EPB41L1: variants seen among roughly 807,000 people sequenced by gnomAD.
The protein encoded by EPB41L1 is erythrocyte membrane protein band 4.1 like 1.
Under a neutral mutation model 97.8 loss-of-function variants are expected in EPB41L1, and 29 were observed. That is an observed-to-expected ratio of 0.30 (90% CI 0.22 to 0.40). The LOEUF is 0.40. Among genes scored for constraint, EPB41L1 ranks in the 10% least tolerant of loss-of-function variants. The pLI is 1.00. For missense variants in EPB41L1, 812 were observed against 1,162.3 expected (o/e 0.70, Z 4.38); for synonymous variants, 383 against 459.2 (o/e 0.83, Z 2.12).
chr20:36,174,022 T>C (rs1311208837), intron 2 of EPB41L1, 68 bp downstream of exon 2: 5 of 1,521,258 alleles, frequency 3.3e-6, no homozygotes, highest in Non-Finnish European at 4.5e-6. Context: ...TTCTTAGGGC[T>C]CCAGTATTTT....
Position 36,209,391 on chromosome 20 carries a change from A to T in EPB41L1, c.1669-97A>T. 7.2e-7 allele frequency: 1 copy of T among 1,397,220 alleles called. No individual in the cohort carries two copies. Among genetic ancestry groups the T allele is most frequent in the Admixed American group, 2.2e-5 (1 of 46,340 alleles). 86.6% of individuals were successfully genotyped at this position (1,397,220 alleles called of 1,614,324 possible). ...GCTCTTCCATTCAGGATGTCGACAC[A>T]GCCCCGAGATTTCTCCTGACATTCA... is the stretch of plus-strand genomic sequence containing the variant. On this transcript the variant is annotated intron_variant, in intron 14 of 21. Coordinates refer to ENST00000338074, the MANE Select transcript of EPB41L1 (RefSeq NM_012156.2). The surrounding 1 kb of genome is among the most constrained non-coding windows in gnomAD (Gnocchi z 4.2).
intron 14 of EPB41L1, among the ~76,000 whole-genome samples, chr20:36,205,646 C>A (rs964270902): frequency 1.3e-5 from 2 of 152,138 alleles, no homozygotes; most frequent in Non-Finnish European, 2.9e-5. Context: ...AATAATTTAT[C>A]AAGTGCCTGA....
At chr20:36,164,938 A>C (rs1479412415) in intron 1 of EPB41L1, among the ~76,000 whole-genome samples, 1 of 151,600 alleles carries the variant, frequency 6.6e-6, no homozygotes, top group African/African-American at 2.4e-5. Context: ...CACCCGCCTC[A>C]CCCTCCCAAA....
At chr20:36,123,898 T>C (rs2058852979) in intron 2 of EPB41L1, among the ~76,000 whole-genome samples, 1 of 152,200 alleles carries the variant, frequency 6.6e-6, no homozygotes, top group African/African-American at 2.4e-5. Flanking sequence ...ATACAATACA[T>C]ACACCATCTA....
intron 1 of EPB41L1, among the ~76,000 whole-genome samples, chr20:36,168,578 T>A (rs989885208): frequency 6.6e-6 from 1 of 151,684 alleles, no homozygotes; most frequent in Non-Finnish European, 1.5e-5. Context: ...GTTGACAGGC[T>A]GGGGTGCAGT....
chr20:36,189,896 GA>G (rs1488290655), intron 9 of EPB41L1, among the ~76,000 whole-genome samples: 1 of 152,176 alleles, frequency 6.6e-6, no homozygotes, highest in Non-Finnish European at 1.5e-5. Flanking sequence ...GCAGATGCCT[GA>G]GAAGAGTTCA....
rs1601090396 is a variant in EPB41L1, at chr20:36,222,059, T to A, written c.2520+115T>A. On this transcript the variant is annotated intron_variant, in intron 20 of 21. Coordinates refer to ENST00000338074, the MANE Select transcript of EPB41L1 (RefSeq NM_012156.2). ...GGCAGAGAAGGTGTCCACTTCTTGC[T>A]GACCCTGTTCAGATAAGAAACCCCC... 6 of 1,208,846 alleles carry A rather than the reference T, an allele frequency of 5.0e-6. No individual in the cohort carries two copies. The African/African-American group carries it at 7.4e-5, about 15-fold the overall frequency. The allele number at this position is 1,208,846 out of a possible 1,614,324, so 74.9% of individuals were successfully genotyped here.
At chr20:36,147,575 A>C (rs1283992377) in intron 2 of EPB41L1, among the ~76,000 whole-genome samples, 4 of 152,220 alleles carry the variant, frequency 2.6e-5, no homozygotes, top group Non-Finnish European at 5.9e-5. Flanking sequence ...TGGATCTATA[A>C]TGTCTGCCTT....
At chr20:36,120,546 T>A (rs1442676880) in intron 2 of EPB41L1, among the ~76,000 whole-genome samples, 1 of 152,190 alleles carries the variant, frequency 6.6e-6, no homozygotes, top group Non-Finnish European at 1.5e-5. Context: ...CGTGTCCCTG[T>A]CTGTTTGATG....
chr20:36,161,802 C>G (rs1407212348), intron 1 of EPB41L1, among the ~76,000 whole-genome samples: 2 of 152,090 alleles, frequency 1.3e-5, no homozygotes, highest in African/African-American at 4.8e-5. Flanking sequence ...ACTCTGTCAC[C>G]CAGGCTGGAG....
upstream of EPB41L1, chr20:36,152,561 T>A (rs934818494): frequency 2.2e-5 from 4 of 178,324 alleles, no homozygotes; most frequent in East Asian, 4.9e-4. Flanking sequence ...AGCCCACGAT[T>A]GGGAAGGCTC....
At chr20:36,187,560 A>G in intron 7 of EPB41L1, 116 bp from the exon 8 acceptor site, 1 of 829,366 alleles carries the variant, frequency 1.2e-6, no homozygotes, top group Non-Finnish European at 2.0e-6. Context: ...GATTAGGGTG[A>G]GGCTCAGCAT....
chr20:36,173,711 G>T, intron 1 of EPB41L1, 53 bp from the exon 2 acceptor site: 1 of 1,551,460 alleles, frequency 6.4e-7, no homozygotes, highest in Non-Finnish European at 8.9e-7. Flanking sequence ...CCCTCTCGCT[G>T]TCATACCATT....
chr20:36,156,121 C>T lies in EPB41L1; in HGVS notation c.-15+1225C>T, dbSNP rs903828659. Among the ~76,000 whole-genome samples, 15 of 152,374 alleles carry T rather than the reference C, an allele frequency of 9.8e-5. 1 individual carries two copies. Among genetic ancestry groups the T allele is most frequent in the Admixed American group, 9.1e-4 (14 of 15,310 alleles). On this transcript the variant is annotated intron_variant, in intron 1 of 21. Transcript: ENST00000338074. ...CAGAGGCAGCCTGTGCCAGCCTCCC[C>T]TATGAGCCACCGTGGCCCAGGAAGG...
intron 7 of EPB41L1, among the ~76,000 whole-genome samples, chr20:36,186,740 GATCA>G (rs2061698125): frequency 6.6e-6 from 1 of 152,182 alleles, no homozygotes; most frequent in Non-Finnish European, 1.5e-5. Flanking sequence ...AAGATGTTCA[GATCA>G]ATATGGGCTG....
intron 4 of EPB41L1, 55 bp from the exon 5 acceptor site, chr20:36,178,575 C>A: frequency 6.4e-7 from 1 of 1,554,778 alleles, no homozygotes; most frequent in South Asian, 1.1e-5. Context: ...CTCTCTCAGC[C>A]CAGTCAGGTC....
intron 13 of EPB41L1, among the ~76,000 whole-genome samples, chr20:36,196,832 C>T (rs1164608858): frequency 6.6e-6 from 1 of 152,228 alleles, no homozygotes; most frequent in Non-Finnish European, 1.5e-5. Flanking sequence ...CCAGAAGTAG[C>T]CAGATAAACA....
At position 36,232,607 on chromosome 20, in the gene EPB41L1, C is replaced by T. The variant is rs546629054; in HGVS notation, c.*3267C>T. On this transcript the variant is annotated 3_prime_UTR_variant, in exon 22 of 22. Coordinates refer to ENST00000338074, the MANE Select transcript of EPB41L1 (RefSeq NM_012156.2). Reference sequence around the variant, plus strand: ...GCCTGAAACTGCATGAGCAACATCACTCGAAATAATTTTTTTTTTCAAAAG... The same window carrying T: ...GCCTGAAACTGCATGAGCAACATCATTCGAAATAATTTTTTTTTTCAAAAG... 5.0e-5 allele frequency: 20 copies of T among 398,986 alleles called. 1 individual carries two copies. The South Asian group carries it at 2.5e-3, about 51-fold the overall frequency. The allele number at this position is 398,986 out of a possible 1,614,324, so 24.7% of individuals were successfully genotyped here. A position where few individuals can be genotyped will look rare whatever the true frequency, so the allele number is the denominator to read the frequency against.
intron 3 of EPB41L1, among the ~76,000 whole-genome samples, chr20:36,177,587 G>A (rs1358652946): frequency 6.6e-6 from 1 of 152,160 alleles, no homozygotes; most frequent in South Asian, 2.1e-4. Context: ...CACACCCAAA[G>A]CTTAGGACTT....
Sources: gnomAD v4.1 joint callset for allele counts (sites outside exome capture counted in the v4.1 genomes callset) on GRCh38, gnomAD v4.1.1 for gene constraint, Gnocchi (gnomAD v3.1) non-coding constraint, MANE v1.5 for transcripts, NCBI Gene and HGNC (gene_info 2026-07-23, HGNC 2026-07-21) for gene names.